The following PDE3A variants were observed in gnomAD, a reference collection of about 807,000 sequenced individuals.
The protein encoded by PDE3A is phosphodiesterase 3A.
A neutral mutation model predicts 98.3 loss-of-function variants in PDE3A; 43 were observed. The observed-to-expected ratio is 0.44, with a 90% CI of 0.34 to 0.56. PDE3A has a LOEUF of 0.56. Among genes scored for constraint, PDE3A ranks in the 20% least tolerant of loss-of-function variants. The probability of loss-of-function intolerance (pLI) is 0.01; values close to 1 mark genes in which losing one functional copy is unlikely to be tolerated. For missense variants in PDE3A, 1,427 were observed against 1,440.7 expected, an observed-to-expected ratio of 0.99 and a Z score of 0.15; for synonymous variants, 663 against 567.9, an observed-to-expected ratio of 1.17 and a Z score of -2.38.
At chr12:20,676,691 G>C (rs983988305) in intron 15 of PDE3A, among the ~76,000 whole-genome samples, 4 of 151,954 alleles carry the variant, frequency 2.6e-5, no homozygotes, top group African/African-American at 4.8e-5. Context: ...AGTAGAGATG[G>C]AGTTTCACCG....
intron 1 of PDE3A, among the ~76,000 whole-genome samples, chr12:20,455,601 T>C (rs897991209): frequency 1.3e-4 from 20 of 152,208 alleles, no homozygotes; most frequent in Non-Finnish European, 2.8e-4. Flanking sequence ...TTGTTTGTTA[T>C]GGAATTCAGT....
intron 1 of PDE3A, among the ~76,000 whole-genome samples, chr12:20,385,697 A>AC (rs945872642): frequency 1.3e-5 from 2 of 150,130 alleles, no homozygotes; most frequent in South Asian, 4.2e-4. Context: ...GGACAAAAAA[A>AC]CAAACACCAC....
chr12:20,395,667 C>T (rs1336221796), intron 1 of PDE3A, among the ~76,000 whole-genome samples: 3 of 134,592 alleles, frequency 2.2e-5, no homozygotes, highest in Non-Finnish European at 4.7e-5. Context: ...ATGTATACTA[C>T]ATATAACTAG....
chr12:20,622,548 A>C (rs965468890), intron 5 of PDE3A, among the ~76,000 whole-genome samples: 1 of 152,262 alleles, frequency 6.6e-6, no homozygotes, highest in Middle Eastern at 3.4e-3. Flanking sequence ...TGTTCATTAA[A>C]TTTTGTCACT....
At position 20,533,293 on chromosome 12, in the gene PDE3A, TA is replaced by T. The variant is rs1941658623; in HGVS notation, c.961-23365del. On this transcript the variant is annotated intron_variant, in intron 1 of 15. Coordinates refer to ENST00000359062, the MANE Select transcript of PDE3A (RefSeq NM_000921.5). ...GCTTCCCTTATTCAACTTCTTTAAGTAAGTAAAATTCCACCTCAGAAATGGT... is the reference window on the plus strand; with the variant it reads ...GCTTCCCTTATTCAACTTCTTTAAGTAGTAAAATTCCACCTCAGAAATGGT... 2.6e-5 allele frequency among the ~76,000 whole-genome samples: 4 copies of T among 152,106 alleles called. No individual in the cohort carries two copies. The South Asian group carries it at 6.2e-4, about 24-fold the overall frequency.
At chr12:20,672,555 A>G (rs866992158) in intron 15 of PDE3A, among the ~76,000 whole-genome samples, 109 of 151,210 alleles carry the variant, frequency 7.2e-4, no homozygotes, top group African/African-American at 2.3e-3. Flanking sequence ...CATATCTACA[A>G]CTATCTGATC....
intron 1 of PDE3A, among the ~76,000 whole-genome samples, chr12:20,403,762 T>G (rs1944176857): frequency 6.6e-6 from 1 of 152,142 alleles, no homozygotes; most frequent in South Asian, 2.1e-4. Flanking sequence ...AATCTGAGCT[T>G]CAAATAAAAA....
At chr12:20,473,940 T>C (rs1269667361) in intron 1 of PDE3A, among the ~76,000 whole-genome samples, 2 of 152,182 alleles carry the variant, frequency 1.3e-5, no homozygotes, top group African/African-American at 2.4e-5. Context: ...ACAATATGAA[T>C]AAAATTATAT....
chr12:20,406,259 T>A (rs1012832584), intron 1 of PDE3A, among the ~76,000 whole-genome samples: 1 of 152,320 alleles, frequency 6.6e-6, no homozygotes, highest in Non-Finnish European at 1.5e-5. Flanking sequence ...ATAAATGAGA[T>A]TGCTGGATCT....
In PDE3A at chr12:20,687,537, A is replaced by C. The variant is rs556098119; in HGVS notation, c.*7266A>C. Among the ~76,000 whole-genome samples, 1 of 151,920 alleles carries C rather than the reference A, an allele frequency of 6.6e-6. No individual in the cohort carries two copies. Among genetic ancestry groups the C allele is most frequent in the African/African-American group, 2.4e-5 (1 of 41,380 alleles). On this transcript the variant is annotated 3_prime_UTR_variant, in exon 16 of 16. Transcript: ENST00000359062. ...ACTTATGACTGTCAGTTTATGTCTTAATGTATTCTCACAGAAGAATGCATA... is the reference window on the plus strand; with the variant it reads ...ACTTATGACTGTCAGTTTATGTCTTCATGTATTCTCACAGAAGAATGCATA...
intron 2 of PDE3A, among the ~76,000 whole-genome samples, chr12:20,602,313 C>A (rs563459124): frequency 6.6e-6 from 1 of 152,272 alleles, no homozygotes; most frequent in South Asian, 2.1e-4. Context: ...GATGCGGGTT[C>A]TTACTAGAGT....
intron 1 of PDE3A, among the ~76,000 whole-genome samples, chr12:20,452,665 T>G (rs571404795): frequency 6.6e-6 from 1 of 152,222 alleles, no homozygotes; most frequent in African/African-American, 2.4e-5. Context: ...GGGGATCTTA[T>G]GTGGTTAATG....
chr12:20,567,341 A>G (rs746300495), intron 2 of PDE3A, among the ~76,000 whole-genome samples: 1 of 152,014 alleles, frequency 6.6e-6, no homozygotes, highest in Non-Finnish European at 1.5e-5. Context: ...AAGCATGAAT[A>G]ATAAAGCCAA....
At chr12:20,665,160 T>C (rs1339659440) in intron 15 of PDE3A, among the ~76,000 whole-genome samples, 1 of 152,194 alleles carries the variant, frequency 6.6e-6, no homozygotes, top group African/African-American at 2.4e-5. Context: ...TACCTGCTTG[T>C]TCACTATTTT....
At chr12:20,565,448 T>C (rs377322728) in intron 2 of PDE3A, among the ~76,000 whole-genome samples, 55 of 152,108 alleles carry the variant, frequency 3.6e-4, no homozygotes, top group African/African-American at 1.2e-3. Flanking sequence ...ACTTCACTTA[T>C]AGATAAAACT....
chr12:20,679,448 C>T (rs549634855), intron 15 of PDE3A, among the ~76,000 whole-genome samples: 50 of 152,122 alleles, frequency 3.3e-4, no homozygotes, highest in Non-Finnish European at 6.0e-4. Flanking sequence ...AGGGTTTCAC[C>T]GTGTTAGCCA....
chr12:20,636,011 C>T lies in PDE3A; in HGVS notation c.2001+955C>T, dbSNP rs1183546508. On this transcript the variant is annotated intron_variant, in intron 8 of 15. Transcript: ENST00000359062. ...AAATGTATTATTTCATTCCTTAAAA[C>T]AATATTTTATAAAGAAAGAAAAGAA... Among the ~76,000 whole-genome samples the T allele has an allele frequency of 2.6e-5, 4 of 151,828 alleles. No homozygotes were observed. The East Asian group carries it at 7.7e-4, about 29-fold the overall frequency.
At chr12:20,610,948 T>C (rs1439948050) in intron 2 of PDE3A, among the ~76,000 whole-genome samples, 2 of 151,842 alleles carry the variant, frequency 1.3e-5, no homozygotes, top group South Asian at 2.1e-4. Context: ...AGCAGATATA[T>C]AGGATGTATA....
At chr12:20,630,169 T>A in intron 6 of PDE3A, 42 bp downstream of exon 6, 1 of 1,375,958 alleles carries the variant, frequency 7.3e-7, no homozygotes, top group Non-Finnish European at 1.0e-6. Context: ...ATAAAAACGA[T>A]GATAGTTTTC....
Sources: allele counts gnomAD v4.1 joint callset (sites outside exome capture counted in the v4.1 genomes callset), GRCh38; gene constraint gnomAD v4.1.1; transcripts MANE v1.5; gene names NCBI Gene and HGNC (gene_info 2026-07-23, HGNC 2026-07-21).